Variants in STXBP2 observed in about 807,000 individuals in gnomAD.
STXBP2 encodes the protein syntaxin-binding protein 2.
A neutral mutation model predicts 72.2 loss-of-function variants in STXBP2; 47 were observed. The observed-to-expected ratio is 0.65, with a 90% CI of 0.51 to 0.83. The LOEUF (loss-of-function observed/expected upper bound fraction) is 0.83, where lower values mean the gene tolerates loss of function less well. STXBP2 is among the 40% of genes least tolerant of loss of function. The probability of loss-of-function intolerance (pLI) is 0.00; values close to 1 mark genes in which losing one functional copy is unlikely to be tolerated. For missense variants in STXBP2, 702 were observed against 807.6 expected (o/e 0.87, Z 1.58); for synonymous variants, 367 against 338.7 (o/e 1.08, Z -0.92).
Position 7,640,156 on chromosome 19 carries a change from CTGTATG to C in STXBP2, c.246+353_246+358del, listed in dbSNP as rs1353331091. On this transcript the variant is annotated intron_variant, in intron 4 of 18. Coordinates refer to ENST00000221283, the MANE Select transcript of STXBP2 (RefSeq NM_006949.4). ...TATGTGTGTGTGCATCTGTGTGCAT[CTGTATG>C]TGTGTGTGTGCGTCTGTCTGTGTGC... 5.7e-5 allele frequency: 29 copies of C among 506,476 alleles called. No individual in the cohort carries two copies. In the African/African-American group the frequency reaches 7.1e-4, roughly 12 times the overall value. 31.4% of individuals were successfully genotyped at this position (506,476 alleles called of 1,614,324 possible).
In STXBP2 at chr19:7,640,087, TGTG is replaced by T. The variant is rs760994075; in HGVS notation, c.246+281_246+283del. 35 of 610,258 alleles carry T rather than the reference TGTG, an allele frequency of 5.7e-5. No homozygotes were observed. In the African/African-American group the frequency reaches 6.9e-4, roughly 12 times the overall value. 37.8% of individuals were successfully genotyped at this position (610,258 alleles called of 1,614,324 possible). A position where few individuals can be genotyped will look rare whatever the true frequency, so the allele number is the denominator to read the frequency against. On this transcript the variant is annotated intron_variant, in intron 4 of 18. Coordinates refer to ENST00000221283, the MANE Select transcript of STXBP2 (RefSeq NM_006949.4). ...GTGTATGCGTGTGTGTCTGTGGGTC[TGTG>T]TGTGCATTTGTGTCTGTGCATGTGT... is the stretch of plus-strand genomic sequence containing the variant.
Position 7,642,374 on chromosome 19 carries a change from C to G in STXBP2, c.794+41C>G. The G allele has an allele frequency of 1.9e-6, 3 of 1,613,328 alleles. No homozygotes were observed. Among genetic ancestry groups the G allele is most frequent in the African/African-American group, 1.3e-5 (1 of 75,030 alleles). ...ACCCGTCCCCACCCTTGCCACTGACCTGGTTCCCCAGTCCTCAGCTCCCCT... is the reference window on the plus strand; with the variant it reads ...ACCCGTCCCCACCCTTGCCACTGACGTGGTTCCCCAGTCCTCAGCTCCCCT... On this transcript the variant is annotated intron_variant, in intron 9 of 18. Coordinates refer to ENST00000221283, the MANE Select transcript of STXBP2 (RefSeq NM_006949.4). This position sits in a 1 kb window ranked among gnomAD's most constrained non-coding sequence, Gnocchi z 6.0.
In STXBP2 at chr19:7,642,646, G is replaced by A. The variant is rs113171169; in HGVS notation, c.902+110G>A. Reference sequence around the variant, plus strand: ...TCTTTGGCCCTCATGAGCACCCCTCGTGTGACTCCAGACTGGCCTCCAATT... The same window carrying A: ...TCTTTGGCCCTCATGAGCACCCCTCATGTGACTCCAGACTGGCCTCCAATT... On this transcript the variant is annotated intron_variant, in intron 10 of 18. Transcript: ENST00000221283. This position sits in a 1 kb window ranked among gnomAD's most constrained non-coding sequence, Gnocchi z 6.0. 65 of 1,487,304 alleles carry A rather than the reference G, an allele frequency of 4.4e-5. 2 individuals carry two copies. The highest frequency in any genetic ancestry group is 2.8e-4 in the African/African-American group (20 of 72,298). The allele number at this position is 1,487,304 out of a possible 1,614,324, so 92.1% of individuals were successfully genotyped here. A position where few individuals can be genotyped will look rare whatever the true frequency, so the allele number is the denominator to read the frequency against.
chr19:7,641,960 C>G, intron 7 of STXBP2, 74 bp from the exon 8 acceptor site: 1 of 1,608,948 alleles, frequency 6.2e-7, no homozygotes, highest in Non-Finnish European at 8.5e-7. Context: ...TACCCTGGCC[C>G]CTGACTCTCA....
In STXBP2 at chr19:7,642,973, A is replaced by C; in HGVS notation, c.961-10A>C. 9 of 1,613,716 alleles carry C rather than the reference A, an allele frequency of 5.6e-6. No individual in the cohort carries two copies. Among genetic ancestry groups the C allele is most frequent in the Non-Finnish European group, 7.6e-6 (9 of 1,179,892 alleles). ...CCCCAATCCCTACCCTCTTCCCCCT[A>C]CTTCCCCAGGCGAACATCAAAGACC... is the stretch of plus-strand genomic sequence containing the variant. On this transcript the variant is annotated splice_polypyrimidine_tract_variant and intron_variant, in intron 11 of 18. Coordinates refer to ENST00000221283, the MANE Select transcript of STXBP2 (RefSeq NM_006949.4). This position sits in a 1 kb window ranked among gnomAD's most constrained non-coding sequence, Gnocchi z 6.0.
intron 16 of STXBP2, chr19:7,646,561 CCCA>C: frequency 3.2e-6 from 2 of 624,768 alleles, no homozygotes; most frequent in East Asian, 5.6e-5. Flanking sequence ...TCACTTCCTC[CCCA>C]CCTGCCGGCT....
At chr19:7,631,441 C>G in the STXBP2 span, 48 of 1,522,204 alleles carry the variant, frequency 3.2e-5, no homozygotes, top group Middle Eastern at 3.7e-4. Flanking sequence ...GCCCCTCCCC[C>G]CTTCCTGTCC....
At chr19:7,632,824 A>T, upstream of STXBP2, 1 of 1,550,724 alleles carries the variant, frequency 6.4e-7, no homozygotes, top group South Asian at 1.2e-5. This position sits in a 1 kb window ranked among gnomAD's most constrained non-coding sequence, Gnocchi z 5.2. Flanking sequence ...TGGTCTGGGG[A>T]GCCCGCCTGG....
chr19:7,646,311 C>T lies in STXBP2; in HGVS notation c.1419C>T (p.Ser473=), dbSNP rs774480794. 2.4e-5 allele frequency: 38 copies of T among 1,610,786 alleles called. No homozygotes were observed. Among genetic ancestry groups the T allele is most frequent in the Admixed American group, 1.0e-4 (6 of 59,372 alleles). The change falls in exon 16 of 19, where the codon TCC becomes TCT. Residue 473 remains serine (S), a synonymous_variant. Coordinates refer to ENST00000221283, the MANE Select transcript of STXBP2 (RefSeq NM_006949.4). ...GCATGGAGCCCACCTATCAGCTGTC[C>T]CGCTGGACCCCGGTCATCAAGGATG... The part of the protein sequence containing the change: ...RERMEPTYQL[S]RWTPVIKDVM...
chr19:7,638,768 A>C lies in STXBP2; in HGVS notation c.80A>C (p.Glu27Ala). Residue 27 changes from glutamate (E) to alanine (A), a missense_variant, in exon 2 of 19, where the codon GAG (glutamate) becomes GCG (alanine). Transcript: ENST00000221283. ...GVIRSVKKDG[E>A]WKVLIMDHPS... Reference sequence around the variant, plus strand: ...ATTCGGAGTGTCAAGAAGGATGGGGAGTGGAAGGTAGGGGTGAGGCAGATG... The same window carrying C: ...ATTCGGAGTGTCAAGAAGGATGGGGCGTGGAAGGTAGGGGTGAGGCAGATG... 2 of 1,613,730 alleles carry C rather than the reference A, an allele frequency of 1.2e-6. No individual in the cohort carries two copies. The highest frequency in any genetic ancestry group is 1.7e-6 in the Non-Finnish European group (2 of 1,179,870).
rs553708684 is a variant in STXBP2, at chr19:7,639,868, GTA to G, written c.246+63_246+64del. Reference sequence around the variant, plus strand: ...CATGCGTGTACATGTGCATGTGTGTGTATGTCTGCATGCATGTGATTGCATGT... The same window carrying G: ...CATGCGTGTACATGTGCATGTGTGTGTGTCTGCATGCATGTGATTGCATGT... On this transcript the variant is annotated intron_variant, in intron 4 of 18. Coordinates refer to ENST00000221283, the MANE Select transcript of STXBP2 (RefSeq NM_006949.4). The G allele has an allele frequency of 2.2e-4, 338 of 1,522,678 alleles. 2 individuals are homozygous for G. In the African/African-American group the frequency reaches 3.7e-3, roughly 17 times the overall value. 94.3% of individuals were successfully genotyped at this position (1,522,678 alleles called of 1,614,324 possible).
At position 7,645,090 on chromosome 19, in the gene STXBP2, A is replaced by G. The variant is rs1202787373; in HGVS notation, c.1247-107A>G. The G allele has an allele frequency of 2.7e-6, 4 of 1,469,704 alleles. No homozygotes were observed. In the African/African-American group the frequency reaches 4.2e-5, roughly 15 times the overall value. 91.0% of individuals were successfully genotyped at this position (1,469,704 alleles called of 1,614,324 possible). A position where few individuals can be genotyped will look rare whatever the true frequency, so the allele number is the denominator to read the frequency against. On this transcript the variant is annotated intron_variant, in intron 14 of 18. Coordinates refer to ENST00000221283, the MANE Select transcript of STXBP2 (RefSeq NM_006949.4). ...GGGTACTGAGGCCCTCCCCACTGCA[A>G]GGTTCTCTCATCAGAGTCCTGGGAG...
chr19:7,639,302 A>G (rs1483606526), intron 3 of STXBP2: 3 of 666,180 alleles, frequency 4.5e-6, no homozygotes, highest in Non-Finnish European at 8.1e-6. Context: ...GAGCCCATGG[A>G]TTGCAGGCCT....
At chr19:7,636,387 A>T (rs1008630685), upstream of STXBP2, 3 of 152,170 alleles carry the variant, frequency 2.0e-5, no homozygotes, top group Non-Finnish European at 2.9e-5. Context: ...GTTTGCAAGC[A>T]TTTGAGGGCG....
At chr19:7,638,274 G>T (rs980483498) in intron 1 of STXBP2, among the ~76,000 whole-genome samples, 4 of 152,240 alleles carry the variant, frequency 2.6e-5, no homozygotes, top group Admixed American at 1.3e-4. Context: ...TAAATTGGGG[G>T]TGACCCCAGA....
upstream of STXBP2, chr19:7,632,908 C>T (rs755054954): frequency 1.8e-4 from 266 of 1,515,196 alleles, 1 homozygote; most frequent in Non-Finnish European, 2.2e-4. The surrounding 1 kb of genome is among the most constrained non-coding windows in gnomAD (Gnocchi z 5.2). Flanking sequence ...AGCTTGCTCA[C>T]ACCCTGACCC....
At position 7,641,757 on chromosome 19, in the gene STXBP2, G is replaced by C. The variant is rs1365793463; in HGVS notation, c.482G>C (p.Arg161Pro). 2.6e-6 allele frequency: 4 copies of C among 1,552,764 alleles called. No individual in the cohort carries two copies. Among genetic ancestry groups the C allele is most frequent in the Non-Finnish European group, 3.5e-6 (4 of 1,148,192 alleles). ...HSTYNLYCPF[R>P]AEERTRQLEV... Reference sequence around the variant, plus strand: ...ACCTACAACCTCTACTGCCCCTTCCGGGCAGAGGAGCGCACGCGGCAGCTC... The same window carrying C: ...ACCTACAACCTCTACTGCCCCTTCCCGGCAGAGGAGCGCACGCGGCAGCTC... Residue 161 changes from arginine (R) to proline (P), a missense_variant, in exon 7 of 19, where the codon CGG becomes CCG. By Grantham distance (103) the Arg-to-Pro change is moderately radical. Transcript: ENST00000221283.
chr19:7,639,223 C>A, intron 3 of STXBP2, 123 bp downstream of exon 3: 1 of 1,027,758 alleles, frequency 9.7e-7, no homozygotes, highest in Non-Finnish European at 1.5e-6. Context: ...CCCAAGTACG[C>A]AGCTCCCTGC....
intron 5 of STXBP2, 42 bp from the exon 6 acceptor site, chr19:7,640,858 G>A (rs372413393): frequency 6.2e-7 from 1 of 1,614,002 alleles, no homozygotes; most frequent in South Asian, 1.1e-5. Context: ...AGGAGGTGTG[G>A]GGGCTGCTCT....
Sources: gnomAD v4.1 joint callset for allele counts (sites outside exome capture counted in the v4.1 genomes callset) on GRCh38, gnomAD v4.1.1 for gene constraint, Gnocchi (gnomAD v3.1) non-coding constraint, MANE v1.5 for transcripts, NCBI Gene and HGNC (gene_info 2026-07-23, HGNC 2026-07-21) for gene names.